Variants in NIBAN1 observed in about 807,000 individuals in gnomAD.
NIBAN1 encodes the protein protein Niban 1.
In NIBAN1, 81 loss-of-function variants were observed where a neutral mutation model predicts 75.1. The observed-to-expected ratio is 1.08, with a 90% CI of 0.90 to 1.30. The LOEUF (loss-of-function observed/expected upper bound fraction) is 1.30. Ranked by LOEUF, NIBAN1 falls within the 50% of genes most tolerant of loss-of-function variation. NIBAN1 has a pLI of 0.00. For missense variants in NIBAN1, 1,133 were observed against 1,128.1 expected (o/e 1.00, Z -0.06); for synonymous variants, 436 against 424.8 (o/e 1.03, Z -0.32).
chr1:184,945,085 T>C (rs928162892), intron 1 of NIBAN1, among the ~76,000 whole-genome samples: 1 of 152,226 alleles, frequency 6.6e-6, no homozygotes, highest in Non-Finnish European at 1.5e-5. Flanking sequence ...TAGTATACAA[T>C]GCTGGCACAG....
chr1:184,933,393 A>G (rs894518683), intron 1 of NIBAN1, among the ~76,000 whole-genome samples: 5 of 152,220 alleles, frequency 3.3e-5, no homozygotes, highest in African/African-American at 1.2e-4. Flanking sequence ...TTTTCCGCAA[A>G]GCCCTTTTGG....
intron 1 of NIBAN1, among the ~76,000 whole-genome samples, chr1:184,908,640 T>A (rs1363463071): frequency 6.6e-6 from 1 of 152,190 alleles, no homozygotes; most frequent in Non-Finnish European, 1.5e-5. Flanking sequence ...TATGCACACA[T>A]CTTGTTTCAG....
chr1:184,865,201 A>G (rs1196211687), intron 5 of NIBAN1, among the ~76,000 whole-genome samples: 1 of 152,146 alleles, frequency 6.6e-6, no homozygotes, highest in Non-Finnish European at 1.5e-5. Context: ...GCAGTCTGGA[A>G]TCAGCCTTGG....
At chr1:184,907,260 T>C (rs1310006401) in intron 1 of NIBAN1, among the ~76,000 whole-genome samples, 3 of 152,130 alleles carry the variant, frequency 2.0e-5, no homozygotes, top group African/African-American at 4.8e-5. Flanking sequence ...GCATTTTTAC[T>C]GTTACTATGA....
intron 5 of NIBAN1, among the ~76,000 whole-genome samples, chr1:184,882,926 G>T (rs573233480): frequency 3.9e-5 from 6 of 152,196 alleles, no homozygotes; most frequent in African/African-American, 1.4e-4. Flanking sequence ...TTTAATAAGG[G>T]TATCATTTTT....
chr1:184,931,641 A>G (rs907758528), intron 1 of NIBAN1, among the ~76,000 whole-genome samples: 2 of 152,224 alleles, frequency 1.3e-5, no homozygotes, highest in African/African-American at 4.8e-5. Context: ...CAGTTGTCTT[A>G]CAGGATCTAT....
At chr1:184,962,889 G>A (rs1460081997) in intron 1 of NIBAN1, among the ~76,000 whole-genome samples, 1 of 151,992 alleles carries the variant, frequency 6.6e-6, no homozygotes, top group Non-Finnish European at 1.5e-5. Context: ...TTTTTTTCCT[G>A]CTTTTGAACT....
chr1:184,795,381 C>A lies in NIBAN1; in HGVS notation c.2383G>T (p.Ala795Ser). Residue 795 changes from alanine (A) to serine (S), a missense_variant, in exon 14 of 14, where the codon GCC (alanine) becomes TCC (serine). Physicochemically the swap from Ala to Ser is moderately conservative, Grantham distance 99. Transcript: ENST00000367511. ...AGCCCTCCACTGGCTGGCGGAGAGG[C>A]TGGGCTGCCTACCTCTGGAAATCCC... ...LGGFPEVGSP[A>S]SPPASGGLTE... is the part of the protein sequence containing the mutation. 6.2e-7 allele frequency: 1 copy of A among 1,605,018 alleles called. No homozygotes were observed. The highest frequency in any genetic ancestry group is 8.5e-7 in the Non-Finnish European group (1 of 1,176,516).
intron 5 of NIBAN1, among the ~76,000 whole-genome samples, chr1:184,844,637 T>G (rs1309049489): frequency 6.6e-6 from 1 of 152,168 alleles, no homozygotes; most frequent in Non-Finnish European, 1.5e-5. Flanking sequence ...ATAGGCACAA[T>G]ATAGATTTCT....
At chr1:184,925,366 A>G (rs772133362) in intron 1 of NIBAN1, among the ~76,000 whole-genome samples, 11 of 152,016 alleles carry the variant, frequency 7.2e-5, no homozygotes, top group Non-Finnish European at 1.5e-4. Flanking sequence ...CCATTCAGCC[A>G]TTCTATGTCT....
At position 184,974,393 on chromosome 1, in the gene NIBAN1, C is replaced by T. The variant is rs533288684; in HGVS notation, c.-37G>A. The stretch of plus-strand genomic sequence containing the variant: ...GCCTGTGCTGAGCGCGGAAACTGCC[C>T]GGTCCGCGCCCGCTGCTAGCTCCTG... On this transcript the variant is annotated 5_prime_UTR_variant, in exon 1 of 14. Transcript: ENST00000367511. 3.2e-6 allele frequency: 5 copies of T among 1,539,918 alleles called. No homozygotes were observed. The African/African-American group carries it at 5.5e-5, about 17-fold the overall frequency.
At chr1:184,972,947 C>A (rs1029915748) in intron 1 of NIBAN1, among the ~76,000 whole-genome samples, 2 of 152,230 alleles carry the variant, frequency 1.3e-5, no homozygotes, top group Non-Finnish European at 2.9e-5. Context: ...TTAAACACAA[C>A]TTTGCTAACA....
At chr1:184,872,085 A>C (rs931768586) in intron 5 of NIBAN1, among the ~76,000 whole-genome samples, 1 of 152,208 alleles carries the variant, frequency 6.6e-6, no homozygotes, top group Non-Finnish European at 1.5e-5. Context: ...AGCCAGCACA[A>C]ATAACAGCAG....
intron 1 of NIBAN1, among the ~76,000 whole-genome samples, chr1:184,931,710 T>G (rs1657829993): frequency 6.6e-6 from 1 of 152,200 alleles, no homozygotes; most frequent in Non-Finnish European, 1.5e-5. Context: ...CAAAGAATTG[T>G]CTATCTTATG....
intron 9 of NIBAN1, among the ~76,000 whole-genome samples, chr1:184,809,297 C>T (rs191992148): frequency 6.6e-6 from 1 of 152,156 alleles, no homozygotes; most frequent in Admixed American, 6.5e-5. Context: ...GTGGAACTTG[C>T]AGCTCCTCAC....
At chr1:184,951,790 A>G (rs1208929065) in intron 1 of NIBAN1, among the ~76,000 whole-genome samples, 1 of 152,106 alleles carries the variant, frequency 6.6e-6, no homozygotes, top group Non-Finnish European at 1.5e-5. Context: ...CTTCTTACAC[A>G]GAGTAAAAGC....
chr1:184,864,132 C>T (rs921552330), intron 5 of NIBAN1, among the ~76,000 whole-genome samples: 2 of 152,158 alleles, frequency 1.3e-5, no homozygotes, highest in African/African-American at 4.8e-5. Flanking sequence ...AATTCTGAGT[C>T]CACCACTTGA....
At chr1:184,855,806 A>G (rs1655662610) in intron 5 of NIBAN1, among the ~76,000 whole-genome samples, 1 of 152,210 alleles carries the variant, frequency 6.6e-6, no homozygotes, top group Non-Finnish European at 1.5e-5. Context: ...GGCACACACT[A>G]TATACTCAAT....
At chr1:184,959,661 G>C (rs929143575) in intron 1 of NIBAN1, among the ~76,000 whole-genome samples, 11 of 152,232 alleles carry the variant, frequency 7.2e-5, no homozygotes, top group African/African-American at 2.7e-4. Flanking sequence ...CAAGCAGGCA[G>C]TTAAGTTACT....
Sources: allele counts gnomAD v4.1 joint callset (sites outside exome capture counted in the v4.1 genomes callset), GRCh38; gene constraint gnomAD v4.1.1; transcripts MANE v1.5; gene names NCBI Gene and HGNC (gene_info 2026-07-23, HGNC 2026-07-21).